ZNF821: variants seen among roughly 807,000 people sequenced by gnomAD.
ZNF821 encodes zinc finger protein 821.
In ZNF821, 16 loss-of-function variants were observed where a neutral mutation model predicts 44.3. That is an observed-to-expected ratio of 0.36 (90% CI 0.24 to 0.55). ZNF821 has a LOEUF of 0.55. Among genes scored for constraint, ZNF821 ranks in the 20% least tolerant of loss-of-function variants. The pLI is 0.86. For missense variants in ZNF821, 436 were observed against 547.6 expected (o/e 0.80, Z 2.03); for synonymous variants, 204 against 197.6 (o/e 1.03, Z -0.27).
upstream of ZNF821, among the ~76,000 whole-genome samples, chr16:71,888,123 C>T (rs1053165158): frequency 1.1e-4 from 17 of 152,116 alleles, no homozygotes; most frequent in East Asian, 3.9e-4. Flanking sequence ...GCAATCTCCC[C>T]GCCTCAGCCT....
intron 3 of ZNF821, among the ~76,000 whole-genome samples, chr16:71,869,339 C>T (rs1388422443): frequency 6.6e-6 from 1 of 152,154 alleles, no homozygotes; most frequent in Non-Finnish European, 1.5e-5. Context: ...GGTGAGCTGA[C>T]CTGCACTCCT....
chr16:71,881,129 G>C (rs144058888), intron 2 of ZNF821, among the ~76,000 whole-genome samples: 2 of 152,300 alleles, frequency 1.3e-5, no homozygotes, highest in African/African-American at 4.8e-5. Flanking sequence ...CTGCCTTCTT[G>C]AGTTATACTC....
intron 3 of ZNF821, among the ~76,000 whole-genome samples, chr16:71,870,400 A>C (rs2035050639): frequency 6.6e-6 from 1 of 151,700 alleles, no homozygotes; most frequent in South Asian, 2.1e-4. Context: ...ATGGGGGAAT[A>C]CTTCCTTGTC....
chr16:71,879,557 T>C (rs766701388), intron 3 of ZNF821, among the ~76,000 whole-genome samples: 5 of 152,144 alleles, frequency 3.3e-5, no homozygotes, highest in Non-Finnish European at 5.9e-5. Flanking sequence ...TACGGTCTTA[T>C]AGATCTTATA....
At chr16:71,862,062 G>A in intron 6 of ZNF821, 120 bp from the exon 7 acceptor site, 1 of 1,195,280 alleles carries the variant, frequency 8.4e-7, no homozygotes, top group Non-Finnish European at 1.2e-6. Context: ...GAACTTCCAA[G>A]TATTCTGTTT....
chr16:71,880,001 C>A lies in ZNF821; in HGVS notation c.-55G>T. On this transcript the variant is annotated 5_prime_UTR_variant, in exon 3 of 8. Coordinates refer to ENST00000425432, the MANE Select transcript of ZNF821 (RefSeq NM_001201552.2). ...CCCAGTTTCACGACTGGATATGTTA[C>A]TACCTCCTTGCAAGATGCTAACCTG... The A allele has an allele frequency of 3.2e-6, 5 of 1,560,646 alleles. No individual in the cohort carries two copies. The highest frequency in any genetic ancestry group is 1.8e-5 in the Admixed American group (1 of 56,824).
intron 1 of ZNF821, among the ~76,000 whole-genome samples, chr16:71,889,831 G>A (rs150872171): frequency 6.6e-6 from 1 of 152,246 alleles, no homozygotes; most frequent in Non-Finnish European, 1.5e-5. Flanking sequence ...CATGGCATGT[G>A]CCTATAGTCC....
At chr16:71,883,515 T>C (rs1449461402) in intron 1 of ZNF821, 1 of 230,924 alleles carries the variant, frequency 4.3e-6, no homozygotes, top group African/African-American at 2.3e-5. Context: ...TTTAGAAGCT[T>C]TTCTGCGAGA....
chr16:71,861,505 T>C lies in ZNF821; in HGVS notation c.584+271A>G, dbSNP rs1443158528. Among the ~76,000 whole-genome samples the C allele has an allele frequency of 2.6e-5, 4 of 152,364 alleles. No individual in the cohort carries two copies. In the East Asian group the frequency reaches 7.7e-4, roughly 29 times the overall value. On this transcript the variant is annotated intron_variant, in intron 7 of 7. Coordinates refer to ENST00000425432, the MANE Select transcript of ZNF821 (RefSeq NM_001201552.2). Reference sequence around the variant, plus strand: ...AGGGTCCTCTCTACCCTATAACTTCTTTCTCCATGCTTTATCATGAGTGTT... The same window carrying C: ...AGGGTCCTCTCTACCCTATAACTTCCTTCTCCATGCTTTATCATGAGTGTT...
At chr16:71,881,421 G>A (rs1379105970) in intron 2 of ZNF821, 1 of 152,090 alleles carries the variant, frequency 6.6e-6, no homozygotes, top group Admixed American at 6.5e-5. Context: ...ATCAAACACA[G>A]TTCTTTTTCA....
rs574306154 is a variant in ZNF821, at chr16:71,883,197, G to C, written c.-78+14C>G. 3 of 456,496 alleles carry C rather than the reference G, an allele frequency of 6.6e-6. No individual in the cohort carries two copies. Among genetic ancestry groups the C allele is most frequent in the Non-Finnish European group, 1.3e-5 (3 of 226,802 alleles). The allele number at this position is 456,496 out of a possible 1,614,324, so 28.3% of individuals were successfully genotyped here. ...GTGAAATCTCAGCTTGATGAAAAGA[G>C]AGTGCGTTCCCACCTCCAGCTCTGG... On this transcript the variant is annotated intron_variant, in intron 2 of 7. Coordinates refer to ENST00000425432, the MANE Select transcript of ZNF821 (RefSeq NM_001201552.2).
chr16:71,895,251 G>A (rs774685176), exon 1 of ZNF821: 45 of 159,280 alleles, frequency 2.8e-4, no homozygotes, highest in Non-Finnish European at 5.0e-4. Flanking sequence ...ATCAACAGCT[G>A]TGGCTGGCCT....
intron 3 of ZNF821, among the ~76,000 whole-genome samples, chr16:71,876,330 A>G (rs2035811728): frequency 6.6e-6 from 1 of 151,392 alleles, no homozygotes; most frequent in South Asian, 2.1e-4. Flanking sequence ...CAGCCTCCCG[A>G]GTAGCTGGGA....
upstream of ZNF821, among the ~76,000 whole-genome samples, chr16:71,889,715 A>C (rs910587713): frequency 4.6e-5 from 7 of 152,102 alleles, no homozygotes; most frequent in Middle Eastern, 0.01. Context: ...AAAAAACAAA[A>C]ACAAAAGAAA....
chr16:71,873,221 CT>C (rs1567425641), intron 3 of ZNF821, among the ~76,000 whole-genome samples: 1 of 151,950 alleles, frequency 6.6e-6, no homozygotes, highest in Non-Finnish European at 1.5e-5. Flanking sequence ...ACTTGGGAGG[CT>C]GAGGCAGGAG....
At chr16:71,876,478 T>C (rs991294101) in intron 3 of ZNF821, among the ~76,000 whole-genome samples, 6 of 152,242 alleles carry the variant, frequency 3.9e-5, no homozygotes, top group Admixed American at 2.6e-4. Flanking sequence ...GTGCTGGGAT[T>C]ACAGGCGTGC....
upstream of ZNF821, among the ~76,000 whole-genome samples, chr16:71,889,050 G>C (rs988779059): frequency 6.6e-6 from 1 of 152,154 alleles, no homozygotes; most frequent in Non-Finnish European, 1.5e-5. Context: ...TTTGAGACCA[G>C]TCTGGGCAAC....
In ZNF821 at chr16:71,860,912, A is replaced by G. The variant is rs1043756574; in HGVS notation, c.585-240T>C. ...GCTCTGTCGCCCAGGCTGGAGTACAATGGTGCAATCTCAGCTCACTGCAAC... is the reference window on the plus strand; with the variant it reads ...GCTCTGTCGCCCAGGCTGGAGTACAGTGGTGCAATCTCAGCTCACTGCAAC... On this transcript the variant is annotated intron_variant, in intron 7 of 7. Coordinates refer to ENST00000425432, the MANE Select transcript of ZNF821 (RefSeq NM_001201552.2). The surrounding 1 kb of genome is among the most constrained non-coding windows in gnomAD (Gnocchi z 7.3). Among the ~76,000 whole-genome samples, 5 of 151,142 alleles carry G rather than the reference A, an allele frequency of 3.3e-5. No homozygotes were observed. Among genetic ancestry groups the G allele is most frequent in the African/African-American group, 1.2e-4 (5 of 41,214 alleles).
At chr16:71,867,836 C>G (rs1407293964) in intron 4 of ZNF821, 76 bp downstream of exon 4, 2 of 1,505,772 alleles carry the variant, frequency 1.3e-6, no homozygotes, top group African/African-American at 2.8e-5. Flanking sequence ...CCCCCATGCA[C>G]AATCCCCAGA....
Sources: allele counts gnomAD v4.1 joint callset (sites outside exome capture counted in the v4.1 genomes callset), GRCh38; gene constraint gnomAD v4.1.1; non-coding constraint Gnocchi (gnomAD v3.1); transcripts MANE v1.5; gene names NCBI Gene and HGNC (gene_info 2026-07-23, HGNC 2026-07-21).